The following TACC2 variants were observed in gnomAD, a reference collection of about 807,000 sequenced individuals.
TACC2 encodes transforming acidic coiled-coil containing protein 2.
Under a neutral mutation model 227.3 loss-of-function variants are expected in TACC2, and 137 were observed. The ratio of observed to expected loss-of-function variants is 0.60; its 90% confidence interval spans 0.52 to 0.69. The LOEUF (loss-of-function observed/expected upper bound fraction) is 0.69. Among genes scored for constraint, TACC2 ranks in the 30% least tolerant of loss-of-function variants. TACC2 has a pLI of 0.00. For missense variants in TACC2, 3,470 were observed against 3,694.4 expected, an observed-to-expected ratio of 0.94 and a Z score of 1.57; for synonymous variants, 1,523 against 1,487.5, an observed-to-expected ratio of 1.02 and a Z score of -0.55.
In TACC2 at chr10:122,150,326, C is replaced by T. The variant is rs933998318; in HGVS notation, c.5834+6620C>T. 6.6e-6 allele frequency among the ~76,000 whole-genome samples: 1 copy of T among 152,212 alleles called. No homozygotes were observed. Among genetic ancestry groups the T allele is most frequent in the Non-Finnish European group, 1.5e-5 (1 of 68,022 alleles). On this transcript the variant is annotated intron_variant, in intron 7 of 22. Transcript: ENST00000369005. This position sits in a 1 kb window ranked among gnomAD's most constrained non-coding sequence, Gnocchi z 4.0. ...AGGCATCTGTGAGGGCGTGGCTGGA[C>T]GTGCTCAGCACAGCACTGGTGGGTG...
intron 7 of TACC2, among the ~76,000 whole-genome samples, chr10:122,185,564 A>G (rs146235089): frequency 6.2e-4 from 95 of 152,304 alleles, no homozygotes; most frequent in African/African-American, 2.0e-3. Context: ...TTTAATTTGG[A>G]TTCTGAAACC....
In TACC2 at chr10:122,209,804, C is replaced by T. The variant is rs2141005128; in HGVS notation, c.5972-593C>T. Reference sequence around the variant, plus strand: ...TCCCAGGCTCAAGCGATTCTCCTGCCTCAGGCTCCGGAATAGCTGGGATTA... The same window carrying T: ...TCCCAGGCTCAAGCGATTCTCCTGCTTCAGGCTCCGGAATAGCTGGGATTA... On this transcript the variant is annotated intron_variant, in intron 8 of 22. Transcript: ENST00000369005. This position sits in a 1 kb window ranked among gnomAD's most constrained non-coding sequence, Gnocchi z 4.5. The T allele has an allele frequency of 6.4e-6, 1 of 155,908 alleles. No individual in the cohort carries two copies. The highest frequency in any genetic ancestry group is 6.2e-5 in the Admixed American group (1 of 16,216). 9.7% of individuals were successfully genotyped at this position (155,908 alleles called of 1,614,324 possible). A position where few individuals can be genotyped will look rare whatever the true frequency, so the allele number is the denominator to read the frequency against.
chr10:122,024,473 C>T (rs1188845257), intron 2 of TACC2, among the ~76,000 whole-genome samples: 1 of 152,168 alleles, frequency 6.6e-6, no homozygotes, highest in East Asian at 1.9e-4. Context: ...GATACTGACA[C>T]GGATACAGTC....
chr10:122,084,166 C>T lies in TACC2; in HGVS notation c.1666C>T (p.His556Tyr), dbSNP rs759414892. ...GGGGCCAACGGATGGAGCCAAGGTC[C>T]ATGAAGATTCCACAAGCCCAGCCGT... The part of the protein sequence containing the change: ...PPGPTDGAKV[H>Y]EDSTSPAVAK... The change falls in exon 4 of 23, where the codon CAT becomes TAT. Residue 556 changes from histidine (H) to tyrosine (Y), a missense_variant. This residue lies in a region of TACC2 where 1,924 missense variants were observed against 1,978.3 expected (regional missense o/e 0.97). Transcript: ENST00000369005. 5.4e-5 allele frequency: 87 copies of T among 1,613,940 alleles called. No homozygotes were observed. Among genetic ancestry groups the T allele is most frequent in the Non-Finnish European group, 6.9e-5 (82 of 1,180,036 alleles).
chr10:122,039,810 A>G (rs1052110400), intron 2 of TACC2, among the ~76,000 whole-genome samples: 6 of 138,454 alleles, frequency 4.3e-5, no homozygotes, highest in Non-Finnish European at 6.4e-5. Context: ...TTGTTTTGTC[A>G]GCACAAATGC....
chr10:122,226,962 G>A (rs1013231400), intron 13 of TACC2, among the ~76,000 whole-genome samples: 1 of 152,190 alleles, frequency 6.6e-6, no homozygotes, highest in Admixed American at 6.5e-5. Flanking sequence ...CCTCCTGGTT[G>A]TGTGACCTGA....
intron 2 of TACC2, among the ~76,000 whole-genome samples, chr10:122,033,369 C>T (rs1959188566): frequency 6.6e-6 from 1 of 152,158 alleles, no homozygotes; most frequent in South Asian, 2.1e-4. Flanking sequence ...TTTTAGTGTG[C>T]CTGTCCAAGA....
At chr10:122,054,688 G>A (rs1282445662) in intron 3 of TACC2, among the ~76,000 whole-genome samples, 2 of 152,138 alleles carry the variant, frequency 1.3e-5, no homozygotes, top group African/African-American at 2.4e-5. Flanking sequence ...CGAGATGACC[G>A]GCTTTTCTCA....
chr10:122,052,156 G>A lies in TACC2; in HGVS notation c.146+1606G>A, dbSNP rs375492856. 14 of 152,248 alleles carry A rather than the reference G, an allele frequency of 9.2e-5. No homozygotes were observed. In the East Asian group the frequency reaches 2.7e-3, roughly 30 times the overall value. The allele number at this position is 152,248 out of a possible 1,614,324, so 9.4% of individuals were successfully genotyped here. On this transcript the variant is annotated intron_variant, in intron 3 of 22. Coordinates refer to ENST00000369005, the MANE Select transcript of TACC2 (RefSeq NM_206862.4). ...TTGGCTCTGGATGACTATGAAACTA[G>A]TGAATGCATTTGTCTTTTCTGGAAT...
rs77817953 is a variant in TACC2, at chr10:122,240,140, A to G, written c.8349-1818A>G. On this transcript the variant is annotated intron_variant, in intron 18 of 22. Transcript: ENST00000369005. ...TGCCTCTTAGGGTCATTGTGAGGGT[A>G]AAGTGAAAAAACAGCACAGCTAAGG... Among the ~76,000 whole-genome samples the G allele has an allele frequency of 5.9e-3, 900 of 152,270 alleles. 14 individuals are homozygous for G. Among genetic ancestry groups the G allele is most frequent in the African/African-American group, 0.021 (853 of 41,548 alleles).
chr10:122,081,483 G>A (rs1486444633), intron 3 of TACC2, among the ~76,000 whole-genome samples: 3 of 140,622 alleles, frequency 2.1e-5, no homozygotes, highest in South Asian at 2.2e-4. Context: ...AGCCGAGATC[G>A]CACCACTGCA....
chr10:122,073,589 T>A lies in TACC2; in HGVS notation c.147-9058T>A, dbSNP rs573039895. Among the ~76,000 whole-genome samples, 5 of 152,256 alleles carry A rather than the reference T, an allele frequency of 3.3e-5. No individual in the cohort carries two copies. In the East Asian group the frequency reaches 7.7e-4, roughly 24 times the overall value. On this transcript the variant is annotated intron_variant, in intron 3 of 22. Coordinates refer to ENST00000369005, the MANE Select transcript of TACC2 (RefSeq NM_206862.4). The stretch of plus-strand genomic sequence containing the variant: ...TGTGGCCCATCATCCTACTAAAAGC[T>A]CTACTGAGAAAAAGGCAACGGAAGG...
At chr10:122,063,816 ATATATAT>A (rs1244530805) in intron 3 of TACC2, among the ~76,000 whole-genome samples, 1 of 134,266 alleles carries the variant, frequency 7.4e-6, no homozygotes, top group Admixed American at 7.9e-5. Context: ...TATATTATAC[ATATATAT>A]TATATAATAC....
chr10:122,033,000 A>T (rs1303813560), intron 2 of TACC2: 1 of 756,816 alleles, frequency 1.3e-6, no homozygotes, highest in Non-Finnish European at 1.9e-6. Context: ...CAACAACAAC[A>T]AAAACAAAAA....
At chr10:122,200,468 C>CCATGTT in intron 8 of TACC2, among the ~76,000 whole-genome samples, 1 of 148,868 alleles carries the variant, frequency 6.7e-6, no homozygotes, top group African/African-American at 2.6e-5. Flanking sequence ...CCCACAGTGG[C>CCATGTT]CACATCTACA....
At chr10:122,025,856 A>G (rs373935227) in intron 2 of TACC2, among the ~76,000 whole-genome samples, 4 of 147,734 alleles carry the variant, frequency 2.7e-5, no homozygotes, top group East Asian at 4.2e-4. Flanking sequence ...TTACAGGCGT[A>G]AGCCACTGCA....
rs375571525 is a variant in TACC2, at chr10:122,027,558, G to C, written c.33+5544G>C. 9.2e-5 allele frequency among the ~76,000 whole-genome samples: 14 copies of C among 152,172 alleles called. No homozygotes were observed. The South Asian group carries it at 2.5e-3, about 27-fold the overall frequency. On this transcript the variant is annotated intron_variant, in intron 2 of 22. Transcript: ENST00000369005. Reference sequence around the variant, plus strand: ...CAGCTAGGCATATTTGTGTGGCTCTGTTTCTGGGTTTGCTATTCTTGTCCA... The same window carrying C: ...CAGCTAGGCATATTTGTGTGGCTCTCTTTCTGGGTTTGCTATTCTTGTCCA...
intron 5 of TACC2, among the ~76,000 whole-genome samples, chr10:122,119,107 G>A (rs1592223278): frequency 6.6e-6 from 1 of 152,154 alleles, no homozygotes; most frequent in African/African-American, 2.4e-5. Context: ...CTGAACGACT[G>A]TATCCATTAA....
chr10:122,080,627 C>T (rs1421783016), intron 3 of TACC2, among the ~76,000 whole-genome samples: 1 of 152,144 alleles, frequency 6.6e-6, no homozygotes, highest in Non-Finnish European at 1.5e-5. Flanking sequence ...AAGTGCCTGC[C>T]TCCAAATACA....
Sources: gnomAD v4.1 joint callset for allele counts (sites outside exome capture counted in the v4.1 genomes callset) on GRCh38, gnomAD v4.1.1 for gene constraint, gnomAD v4.1.1 regional missense constraint, Gnocchi (gnomAD v3.1) non-coding constraint, MANE v1.5 for transcripts, NCBI Gene and HGNC (gene_info 2026-07-23, HGNC 2026-07-21) for gene names.